The following ENTREP2 variants were observed in gnomAD, a reference collection of about 807,000 sequenced individuals.
The protein encoded by ENTREP2 is protein ENTREP2.
At chr15:29,307,742 A>G in the ENTREP2 span, among the ~76,000 whole-genome samples, 2 of 152,186 alleles carry the variant, frequency 1.3e-5, no homozygotes, top group Non-Finnish European at 1.5e-5. Context: ...CTCTACCTGC[A>G]CACACATGGA....
At chr15:29,478,876 C>CA in the ENTREP2 span, among the ~76,000 whole-genome samples, 1 of 140,022 alleles carries the variant, frequency 7.1e-6, no homozygotes, top group Non-Finnish European at 1.5e-5. Flanking sequence ...GACTCTGTCT[C>CA]AAAAAAAATT....
the ENTREP2 span, among the ~76,000 whole-genome samples, chr15:29,303,349 A>G: frequency 6.6e-6 from 1 of 152,372 alleles, no homozygotes; most frequent in East Asian, 1.9e-4. Flanking sequence ...AGCTGCACAG[A>G]AATGCTTAAT....
At chr15:29,252,592 A>C in the ENTREP2 span, 1 of 571,250 alleles carries the variant, frequency 1.8e-6, no homozygotes, top group Non-Finnish European at 3.1e-6. Context: ...ACATAATTAC[A>C]TGAATAACAT....
the ENTREP2 span, among the ~76,000 whole-genome samples, chr15:29,219,404 CAG>C: frequency 6.6e-6 from 1 of 151,830 alleles, no homozygotes. Context: ...CTATGGAAAA[CAG>C]TGTGGAGCTT....
the ENTREP2 span, among the ~76,000 whole-genome samples, chr15:29,431,032 C>G: frequency 3.9e-5 from 6 of 152,262 alleles, no homozygotes; most frequent in East Asian, 9.7e-4. Context: ...ATTCCAGGAG[C>G]ATGTATTCAG....
At chr15:29,476,751 C>T in the ENTREP2 span, among the ~76,000 whole-genome samples, 1,370 of 152,280 alleles carry the variant, frequency 9.0e-3, 15 homozygotes, top group African/African-American at 0.031. Context: ...CACAGAGGTA[C>T]CAAAGTGAGG....
the ENTREP2 span, among the ~76,000 whole-genome samples, chr15:29,388,990 A>G: frequency 1.2e-4 from 18 of 150,864 alleles, no homozygotes; most frequent in Middle Eastern, 6.9e-3. Flanking sequence ...GGGAGGGAAA[A>G]CATTAGGAGA....
chr15:29,291,718 T>C, the ENTREP2 span, among the ~76,000 whole-genome samples: 1 of 152,232 alleles, frequency 6.6e-6, no homozygotes, highest in Non-Finnish European at 1.5e-5. Context: ...ATCTTTTTTC[T>C]TTTATTCTTT....
the ENTREP2 span, among the ~76,000 whole-genome samples, chr15:29,406,295 C>T: frequency 1.3e-5 from 2 of 152,118 alleles, no homozygotes; most frequent in African/African-American, 4.8e-5. Flanking sequence ...GCCTGTAATC[C>T]CAGCACTTTG....
At chr15:29,260,061 TAACA>T in the ENTREP2 span, among the ~76,000 whole-genome samples, 1 of 152,130 alleles carries the variant, frequency 6.6e-6, no homozygotes, top group African/African-American at 2.4e-5. Flanking sequence ...AATATCTGTA[TAACA>T]AGGAAGGAGA....
the ENTREP2 span, among the ~76,000 whole-genome samples, chr15:29,187,554 A>G: frequency 9.2e-5 from 14 of 152,196 alleles, no homozygotes; most frequent in Non-Finnish European, 1.8e-4. Context: ...GGGATTACAG[A>G]TGGAAACCAC....
chr15:29,293,585 G>T, the ENTREP2 span, among the ~76,000 whole-genome samples: 2 of 152,146 alleles, frequency 1.3e-5, no homozygotes, highest in Non-Finnish European at 2.9e-5. Flanking sequence ...ACCAGGAAGG[G>T]TTCCCCCAGG....
At chr15:29,294,995 G>A in the ENTREP2 span, among the ~76,000 whole-genome samples, 1 of 152,204 alleles carries the variant, frequency 6.6e-6, no homozygotes, top group Non-Finnish European at 1.5e-5. Context: ...AGGGGGATGT[G>A]CAGAGCCCAG....
the ENTREP2 span, among the ~76,000 whole-genome samples, chr15:29,529,248 T>TGGGGGC: frequency 4.9e-5 from 6 of 122,772 alleles, no homozygotes; most frequent in Non-Finnish European, 1.1e-4. Context: ...TGTGGAGGGG[T>TGGGGGC]GTGTGAGGGT....
chr15:29,135,589 G>C, the ENTREP2 span, among the ~76,000 whole-genome samples: 1 of 152,150 alleles, frequency 6.6e-6, no homozygotes, highest in African/African-American at 2.4e-5. This position sits in a 1 kb window ranked among gnomAD's most constrained non-coding sequence, Gnocchi z 7.4. Flanking sequence ...AACTTCCCAT[G>C]TTCCAAGTCC....
chr15:29,127,245 G>A, the ENTREP2 span, among the ~76,000 whole-genome samples: 107 of 152,276 alleles, frequency 7.0e-4, no homozygotes, highest in African/African-American at 2.5e-3. Context: ...TCCACGGGGT[G>A]TGCATGCATG....
chr15:29,194,597 T>C, the ENTREP2 span, among the ~76,000 whole-genome samples: 16 of 152,350 alleles, frequency 1.1e-4, no homozygotes, highest in African/African-American at 3.8e-4. Context: ...GCCTTTACTC[T>C]ATGCCGTTTT....
the ENTREP2 span, among the ~76,000 whole-genome samples, chr15:29,282,363 AC>A: frequency 6.6e-6 from 1 of 152,224 alleles, no homozygotes. Context: ...CTCCCCAGCC[AC>A]GTGAAACTGT....
chr15:29,252,353 C>T, the ENTREP2 span: 213 of 1,478,826 alleles, frequency 1.4e-4, 7 homozygotes, highest in South Asian at 2.4e-3. Context: ...AAAGGGTTTG[C>T]ATTTCATTAC....
Sources: gnomAD v4.1 joint callset for allele counts (sites outside exome capture counted in the v4.1 genomes callset) on GRCh38, gnomAD v4.1.1 for gene constraint, Gnocchi (gnomAD v3.1) non-coding constraint, MANE v1.5 for transcripts, NCBI Gene and HGNC (gene_info 2026-07-23, HGNC 2026-07-21) for gene names.